Variants in TTLL1 observed in about 807,000 individuals in gnomAD.
TTLL1 encodes the protein TTL family tubulin polyglutamylase complex subunit L1.
Under a neutral mutation model 47.8 loss-of-function variants are expected in TTLL1, and 33 were observed. The observed-to-expected ratio is 0.69, with a 90% CI of 0.52 to 0.92. TTLL1 has a LOEUF of 0.92. Ranked by LOEUF, TTLL1 falls within the 40% of genes least tolerant of loss-of-function variation. TTLL1 has a pLI of 0.00. For missense variants in TTLL1, 488 were observed against 547.5 expected, an observed-to-expected ratio of 0.89 and a Z score of 1.08; for synonymous variants, 225 against 214.1, an observed-to-expected ratio of 1.05 and a Z score of -0.45.
chr22:43,069,455 C>T, intron 4 of TTLL1, 181 bp downstream of exon 4: 1 of 1,078,288 alleles, frequency 9.3e-7, no homozygotes, highest in East Asian at 2.6e-5. Context: ...AACTAGGATG[C>T]CACACTCAGG....
At chr22:43,042,283 AAAAC>A (rs1262202553) in intron 10 of TTLL1, among the ~76,000 whole-genome samples, 1 of 152,188 alleles carries the variant, frequency 6.6e-6, no homozygotes, top group African/African-American at 2.4e-5. Flanking sequence ...CTCAAAAAAC[AAAAC>A]AAACAGAAAG....
intron 3 of TTLL1, among the ~76,000 whole-genome samples, chr22:43,070,464 G>A (rs1928045800): frequency 6.6e-6 from 1 of 152,098 alleles, no homozygotes; most frequent in African/African-American, 2.4e-5. Flanking sequence ...CCCCTGCTCA[G>A]AGCCAGAGTC....
At chr22:43,049,957 T>C (rs1926476696) in intron 9 of TTLL1, among the ~76,000 whole-genome samples, 1 of 150,652 alleles carries the variant, frequency 6.6e-6, no homozygotes, top group African/African-American at 2.4e-5. Flanking sequence ...TTAGCCAGGG[T>C]TGGCGGCATG....
intron 8 of TTLL1, among the ~76,000 whole-genome samples, chr22:43,056,962 T>G (rs1927058956): frequency 6.6e-6 from 1 of 152,220 alleles, no homozygotes; most frequent in East Asian, 1.9e-4. Flanking sequence ...CCGGCTAATT[T>G]ATTTTTTATT....
intron 10 of TTLL1, among the ~76,000 whole-genome samples, chr22:43,045,944 G>C (rs561459678): frequency 2.6e-4 from 39 of 152,274 alleles, no homozygotes; most frequent in South Asian, 1.0e-3. Flanking sequence ...TTCTGGGCTG[G>C]GTGCAGTGGC....
chr22:43,077,058 A>G (rs372163686), intron 2 of TTLL1, among the ~76,000 whole-genome samples: 46 of 152,004 alleles, frequency 3.0e-4, no homozygotes, highest in African/African-American at 8.0e-4. Context: ...CGGAGATCGC[A>G]CCACTGCACT....
In TTLL1 at chr22:43,039,806, C is replaced by T. The variant is rs1052163; in HGVS notation, c.1242G>A (p.Ser414=). Residue 414 remains serine (S), a synonymous_variant, in exon 11 of 11, where the codon TCG becomes TCA. Coordinates refer to ENST00000266254, the MANE Select transcript of TTLL1 (RefSeq NM_012263.5). The part of the protein sequence containing the change: ...LGPRAGRSRD[S]GRAVLTTWK ...TCCAGGTGGTGAGGACCGCTCTCCC[C>T]GAGTCTCTCGATCGGCCTGCTCTGG... is the stretch of plus-strand genomic sequence containing the variant. 363,390 of 1,613,284 alleles carry T rather than the reference C, an allele frequency of 0.23. 56,434 individuals carry two copies. The highest frequency in any genetic ancestry group is 0.81 in the East Asian group (36,103 of 44,834).
chr22:43,084,027 C>T lies in TTLL1; in HGVS notation c.-89-4041G>A, dbSNP rs147917658. Among the ~76,000 whole-genome samples, 82 of 152,324 alleles carry T rather than the reference C, an allele frequency of 5.4e-4. 1 individual carries two copies. The East Asian group carries it at 0.014, about 25-fold the overall frequency. Reference sequence around the variant, plus strand: ...TACCAAATTGCTACTCTGTGTCATACTTTCTACTAACCATTTTACCTAACA... The same window carrying T: ...TACCAAATTGCTACTCTGTGTCATATTTTCTACTAACCATTTTACCTAACA... On this transcript the variant is annotated intron_variant, in intron 1 of 10. Transcript: ENST00000266254.
rs753080726 is a variant in TTLL1 at position 43,059,472 on chromosome 22, T to C, written c.803A>G (p.Tyr268Cys). ...CTCCTTGCCGCGGGTGCTCTCCAGGTAGAGCCGCAGGTTACTCACTGTCCA... is the reference window on the plus strand; with the variant it reads ...CTCCTTGCCGCGGGTGCTCTCCAGGCAGAGCCGCAGGTTACTCACTGTCCA... ...GKWTVSNLRL[Y>C]LESTRGKEVT... The change falls in exon 8 of 11, where the codon TAC (tyrosine) becomes TGC (cysteine). Residue 268 changes from tyrosine to cysteine, a missense_variant. Coordinates refer to ENST00000266254, the MANE Select transcript of TTLL1 (RefSeq NM_012263.5). The C allele has an allele frequency of 4.3e-6, 7 of 1,613,958 alleles. No individual in the cohort carries two copies. The Admixed American group carries it at 5.0e-5, about 12-fold the overall frequency.
intron 10 of TTLL1, among the ~76,000 whole-genome samples, chr22:43,045,288 C>G (rs892250192): frequency 6.6e-6 from 1 of 152,128 alleles, no homozygotes; most frequent in South Asian, 2.1e-4. Context: ...GCCACGGAAC[C>G]GCTCTAAGCC....
intron 9 of TTLL1, among the ~76,000 whole-genome samples, chr22:43,051,299 T>C (rs533997999): frequency 2.6e-5 from 4 of 152,212 alleles, no homozygotes; most frequent in African/African-American, 9.6e-5. Flanking sequence ...GCTAAACAGA[T>C]AGCCAACACG....
At chr22:43,071,110 AT>A (rs1928092755) in intron 3 of TTLL1, among the ~76,000 whole-genome samples, 1 of 151,644 alleles carries the variant, frequency 6.6e-6, no homozygotes, top group Non-Finnish European at 1.5e-5. Flanking sequence ...AGAGATGGGG[AT>A]TTGCCATGTT....
chr22:43,081,538 T>G (rs887383290), intron 1 of TTLL1, among the ~76,000 whole-genome samples: 6 of 152,062 alleles, frequency 3.9e-5, no homozygotes, highest in African/African-American at 1.4e-4. Flanking sequence ...TTCCATTTTT[T>G]TTTAATGTAT....
chr22:43,062,158 T>C (rs1434830818), intron 7 of TTLL1, among the ~76,000 whole-genome samples: 1 of 152,134 alleles, frequency 6.6e-6, no homozygotes, highest in Non-Finnish European at 1.5e-5. Context: ...GATGGGGCTA[T>C]GTCCAGATAA....
intron 1 of TTLL1, among the ~76,000 whole-genome samples, chr22:43,082,142 G>C (rs1211298873): frequency 6.7e-6 from 1 of 149,218 alleles, no homozygotes; most frequent in Non-Finnish European, 1.5e-5. Context: ...GTGAGTCACC[G>C]CACCTGGACC....
chr22:43,047,111 G>T (rs2146960631), intron 9 of TTLL1, among the ~76,000 whole-genome samples: 1 of 152,282 alleles, frequency 6.6e-6, no homozygotes, highest in South Asian at 2.1e-4. Flanking sequence ...CTACAAATCA[G>T]CGATCGCACA....
At chr22:43,063,335 C>A (rs181733420) in intron 7 of TTLL1, among the ~76,000 whole-genome samples, 9 of 152,292 alleles carry the variant, frequency 5.9e-5, no homozygotes, top group South Asian at 2.1e-4. Flanking sequence ...CTAGGCCAGC[C>A]CGCCTGATGC....
At chr22:43,061,296 C>T (rs1927374365) in intron 7 of TTLL1, among the ~76,000 whole-genome samples, 1 of 152,216 alleles carries the variant, frequency 6.6e-6, no homozygotes, top group South Asian at 2.1e-4. Flanking sequence ...GTTAGGCCAG[C>T]CACATGTGGA....
At chr22:43,070,133 G>C in intron 3 of TTLL1, 1 of 1,399,464 alleles carries the variant, frequency 7.1e-7, no homozygotes, top group South Asian at 1.2e-5. Context: ...GTGATAACAC[G>C]GATTAATGAT....
Sources: gnomAD v4.1 joint callset for allele counts (sites outside exome capture counted in the v4.1 genomes callset) on GRCh38, gnomAD v4.1.1 for gene constraint, MANE v1.5 for transcripts, NCBI Gene and HGNC (gene_info 2026-07-23, HGNC 2026-07-21) for gene names.